The following OR10A3 variants were observed in gnomAD, a reference collection of about 807,000 sequenced individuals.
OR10A3 encodes the protein olfactory receptor 10A3.
Under a neutral mutation model 1.5 loss-of-function variants are expected in OR10A3, and 1 was observed. The observed-to-expected ratio is 0.66, with a 90% CI of 0.23 to 3.11. The LOEUF (loss-of-function observed/expected upper bound fraction) is 3.11, where lower values mean the gene tolerates loss of function less well. Among genes scored for constraint, OR10A3 ranks in the 30% most tolerant of loss-of-function variants. The pLI is 0.21. For synonymous variants in OR10A3, 145 were observed against 143.7 expected, an observed-to-expected ratio of 1.01 and a Z score of -0.06; for missense variants, 398 against 369.7, an observed-to-expected ratio of 1.08 and a Z score of -0.63.
Position 7,939,353 on chromosome 11 carries a change from G to A in OR10A3, c.168C>T (p.His56=), listed in dbSNP as rs138775982. The change falls in exon 2 of 2, where the codon CAC becomes CAT. Residue 56 remains histidine, a synonymous_variant. Transcript: ENST00000642047. ...TCAGGAGGAACAGGTACATGGGAAC[G>A]TGGAGGCTCTGGTTTAAGGAGATGA... is the stretch of plus-strand genomic sequence containing the variant. ...TVIISLNQSL[H]VPMYLFLLNL... is the part of the protein sequence containing the mutation. 7.7e-5 allele frequency: 124 copies of A among 1,614,020 alleles called. No individual in the cohort carries two copies. The Admixed American group carries it at 9.7e-4, about 13-fold the overall frequency.
At position 7,939,040 on chromosome 11, in the gene OR10A3, T is replaced by C. The variant is rs1316769843; in HGVS notation, c.481A>G (p.Thr161Ala). ...SGIMVATVQT[T>A]WVFSFPFCGP... ...CAAAATGGAAAACTAAATACCCAAG[T>C]GGTCTGCACAGTAGCCACCATGATC... Residue 161 changes from threonine to alanine, a missense_variant, in exon 2 of 2, where the codon ACT becomes GCT. By Grantham distance (58) the Thr-to-Ala change is moderately conservative. Transcript: ENST00000642047. 1 of 1,613,968 alleles carries C rather than the reference T, an allele frequency of 6.2e-7. No individual in the cohort carries two copies. The highest frequency in any genetic ancestry group is 2.2e-5 in the East Asian group (1 of 44,880).
chr11:7,940,943 G>A (rs978145967), intron 1 of OR10A3, among the ~76,000 whole-genome samples: 1 of 152,134 alleles, frequency 6.6e-6, no homozygotes, highest in African/African-American at 2.4e-5. Context: ...GCAAGCTGAA[G>A]ACATCTTGAT....
Position 7,938,587 on chromosome 11 carries a change from G to A in OR10A3, c.934C>T (p.His312Tyr), listed in dbSNP as rs778028267. Reference protein sequence around the residue: ...IKLWRRKVILHTF With the variant: ...IKLWRRKVILYTF Reference sequence around the variant, plus strand: ...GCTTCTCAACACAATCAGAATGTGTGTAAAATCACTTTTCTTCGCCATAGT... The same window carrying A: ...GCTTCTCAACACAATCAGAATGTGTATAAAATCACTTTTCTTCGCCATAGT... The change falls in exon 2 of 2, where the codon CAC becomes TAC. Residue 312 changes from histidine (H) to tyrosine (Y), a missense_variant. By Grantham distance (83) the His-to-Tyr change is moderately conservative. Transcript: ENST00000642047. 6 of 1,610,120 alleles carry A rather than the reference G, an allele frequency of 3.7e-6. No homozygotes were observed. In the Admixed American group the frequency reaches 8.4e-5, roughly 23 times the overall value.
rs150357760 is a variant in OR10A3, at chr11:7,938,676, G to T, written c.845C>A (p.Thr282Asn). Residue 282 changes from threonine to asparagine, a missense_variant, in exon 2 of 2, where the codon ACC (threonine) becomes AAC (asparagine). Physicochemically the swap from Thr to Asn is moderately conservative, Grantham distance 65. Coordinates refer to ENST00000642047, the MANE Select transcript of OR10A3 (RefSeq NM_001003745.2). ...ATAGATGAGCGGATTGAGCAGAGGG[G>T]TAAGCAACGTGTAAGCCAATGAGAT... is the stretch of plus-strand genomic sequence containing the variant. ...KLISLAYTLLTPLLNPLIYSL... is the reference protein window; with the variant it reads ...KLISLAYTLLNPLLNPLIYSL... 1.1e-4 allele frequency: 175 copies of T among 1,614,184 alleles called. No individual in the cohort carries two copies. The African/African-American group carries it at 2.1e-3, about 20-fold the overall frequency.
rs1286667190 is a variant in OR10A3 at position 7,937,546 on chromosome 11, G to GA, written c.*1029dup. On this transcript the variant is annotated 3_prime_UTR_variant, in exon 2 of 2. Transcript: ENST00000642047. ...GTTTCTAAATCAGTGGTCTGTAAAT[G>GA]AAAAAGATACTGATATTATCAAATG... 1.3e-5 allele frequency: 2 copies of GA among 152,132 alleles called. No homozygotes were observed. Among genetic ancestry groups the GA allele is most frequent in the Non-Finnish European group, 2.9e-5 (2 of 68,020 alleles). 9.4% of individuals were successfully genotyped at this position (152,132 alleles called of 1,614,324 possible). A position where few individuals can be genotyped will look rare whatever the true frequency, so the allele number is the denominator to read the frequency against.
Position 7,938,751 on chromosome 11 carries a change from A to G in OR10A3, c.770T>C (p.Met257Thr). 1.2e-6 allele frequency: 2 copies of G among 1,614,200 alleles called. No individual in the cohort carries two copies. Among genetic ancestry groups the G allele is most frequent in the South Asian group, 1.1e-5 (1 of 91,090 alleles). The change falls in exon 2 of 2, where the codon ATG becomes ACG. Residue 257 changes from methionine to threonine, a missense_variant. Transcript: ENST00000642047. Reference protein sequence around the residue: ...SVTLFYGTANMTYLQPKSGYS... With the variant: ...SVTLFYGTANTTYLQPKSGYS... ...GCCAGATTTGGGTTGTAAATAAGTCATATTGGCTGTGCCATAGAACAGGGT... is the reference window on the plus strand; with the variant it reads ...GCCAGATTTGGGTTGTAAATAAGTCGTATTGGCTGTGCCATAGAACAGGGT...
At position 7,938,718 on chromosome 11, in the gene OR10A3, G is replaced by C. The variant is rs1202578283; in HGVS notation, c.803C>G (p.Pro268Arg). 1.2e-6 allele frequency: 2 copies of C among 1,614,182 alleles called. No homozygotes were observed. The highest frequency in any genetic ancestry group is 2.2e-5 in the South Asian group (2 of 91,084). ...TYLQPKSGYS[P>R]ETKKLISLAY... ...CAATGAGATCAGTTTCTTGGTTTCG[G>C]GTGAGTAGCCAGATTTGGGTTGTAA... is the stretch of plus-strand genomic sequence containing the variant. The change falls in exon 2 of 2, where the codon CCC (proline) becomes CGC (arginine). Residue 268 changes from proline to arginine, a missense_variant. Coordinates refer to ENST00000642047, the MANE Select transcript of OR10A3 (RefSeq NM_001003745.2).
At position 7,938,173 on chromosome 11, in the gene OR10A3, G is replaced by A. The variant is rs371223737; in HGVS notation, c.*403C>T. ...ACAAAAATTAGCTGGGTGTGGTGGC[G>A]CATGCCTGTAATCCCAACTACTCGG... On this transcript the variant is annotated 3_prime_UTR_variant, in exon 2 of 2. Transcript: ENST00000642047. The A allele has an allele frequency of 6.1e-4, 98 of 161,830 alleles. 1 individual carries two copies. In the South Asian group the frequency reaches 0.015, roughly 25 times the overall value. 10.0% of individuals were successfully genotyped at this position (161,830 alleles called of 1,614,324 possible). A position where few individuals can be genotyped will look rare whatever the true frequency, so the allele number is the denominator to read the frequency against.
At chr11:7,941,329 A>G (rs1162531309) in intron 1 of OR10A3, among the ~76,000 whole-genome samples, 1 of 152,214 alleles carries the variant, frequency 6.6e-6, no homozygotes, top group Non-Finnish European at 1.5e-5. Flanking sequence ...ACATAAAACA[A>G]CATAATGCTG....
chr11:7,939,611 C>T lies in OR10A3; in HGVS notation c.-91G>A, dbSNP rs564883920. The T allele has an allele frequency of 4.0e-6, 4 of 990,858 alleles. No individual in the cohort carries two copies. In the African/African-American group the frequency reaches 6.6e-5, roughly 16 times the overall value. 61.4% of individuals were successfully genotyped at this position (990,858 alleles called of 1,614,324 possible). A position where few individuals can be genotyped will look rare whatever the true frequency, so the allele number is the denominator to read the frequency against. On this transcript the variant is annotated 5_prime_UTR_variant, in exon 2 of 2. Coordinates refer to ENST00000642047, the MANE Select transcript of OR10A3 (RefSeq NM_001003745.2). The stretch of plus-strand genomic sequence containing the variant: ...TAGCTGTGAGTTCAAGTCTGGAATT[C>T]TTGACAGCAGATGTAATGACAAGCT...
In OR10A3 at chr11:7,938,760, G is replaced by A. The variant is rs1941392466; in HGVS notation, c.761C>T (p.Thr254Ile). 6.2e-7 allele frequency: 1 copy of A among 1,614,220 alleles called. No homozygotes were observed. The highest frequency in any genetic ancestry group is 8.5e-7 in the Non-Finnish European group (1 of 1,180,050). The change falls in exon 2 of 2, where the codon ACA becomes ATA. Residue 254 changes from threonine to isoleucine, a missense_variant. Physicochemically the swap from Thr to Ile is moderately conservative, Grantham distance 89. Transcript: ENST00000642047. ...HLTSVTLFYG[T>I]ANMTYLQPKS... ...GGGTTGTAAATAAGTCATATTGGCT[G>A]TGCCATAGAACAGGGTCACAGATGT...
intron 1 of OR10A3, among the ~76,000 whole-genome samples, chr11:7,940,092 G>C (rs367901859): frequency 6.6e-6 from 1 of 152,162 alleles, no homozygotes; most frequent in African/African-American, 2.4e-5. Flanking sequence ...ATCCCTTCTG[G>C]CTCTGACATA....
In OR10A3 at chr11:7,937,678, A is replaced by C. The variant is rs1289016693; in HGVS notation, c.*898T>G. The C allele has an allele frequency of 6.6e-6, 1 of 152,206 alleles. No individual in the cohort carries two copies. The highest frequency in any genetic ancestry group is 6.5e-5 in the Admixed American group (1 of 15,282). 9.4% of individuals were successfully genotyped at this position (152,206 alleles called of 1,614,324 possible). A position where few individuals can be genotyped will look rare whatever the true frequency, so the allele number is the denominator to read the frequency against. On this transcript the variant is annotated 3_prime_UTR_variant, in exon 2 of 2. Transcript: ENST00000642047. ...TTGGGATTATAATTTGTGTAAGGTC[A>C]TGAAGTAGAACCATTTTTGGCCCCC...
chr11:7,939,352 C>T lies in OR10A3; in HGVS notation c.169G>A (p.Val57Ile), dbSNP rs751919581. Residue 57 changes from valine (V) to isoleucine (I), a missense_variant, in exon 2 of 2, where the codon GTT (valine) becomes ATT (isoleucine). Transcript: ENST00000642047. Reference sequence around the variant, plus strand: ...TTCAGGAGGAACAGGTACATGGGAACGTGGAGGCTCTGGTTTAAGGAGATG... The same window carrying T: ...TTCAGGAGGAACAGGTACATGGGAATGTGGAGGCTCTGGTTTAAGGAGATG... The part of the protein sequence containing the change: ...VIISLNQSLH[V>I]PMYLFLLNLS... 3.0e-5 allele frequency: 48 copies of T among 1,614,078 alleles called. No homozygotes were observed. The Admixed American group carries it at 4.7e-4, about 16-fold the overall frequency.
In OR10A3 at chr11:7,939,565, G is replaced by A. The variant is rs113638386; in HGVS notation, c.-45C>T. The A allele has an allele frequency of 7.2e-5, 102 of 1,421,294 alleles. No homozygotes were observed. The African/African-American group carries it at 9.6e-4, about 13-fold the overall frequency. 88.0% of individuals were successfully genotyped at this position (1,421,294 alleles called of 1,614,324 possible). A position where few individuals can be genotyped will look rare whatever the true frequency, so the allele number is the denominator to read the frequency against. On this transcript the variant is annotated 5_prime_UTR_variant, in exon 2 of 2. The change creates a premature stop within an existing upstream ORF in the 5' untranslated region. Transcript: ENST00000642047. ...ATTGTTTTTATGGACCTGGTATATC[G>A]AGTATGAAGTCGTAATCCCATAGCT...
rs769219074 is a variant in OR10A3, at chr11:7,938,675, G to C, written c.846C>G (p.Thr282=). 4 of 1,614,168 alleles carry C rather than the reference G, an allele frequency of 2.5e-6. No homozygotes were observed. Among genetic ancestry groups the C allele is most frequent in the Non-Finnish European group, 2.5e-6 (3 of 1,180,022 alleles). ...TATAGATGAGCGGATTGAGCAGAGGGGTAAGCAACGTGTAAGCCAATGAGA... is the reference window on the plus strand; with the variant it reads ...TATAGATGAGCGGATTGAGCAGAGGCGTAAGCAACGTGTAAGCCAATGAGA... ...KLISLAYTLL[T]PLLNPLIYSL... is the part of the protein sequence containing the mutation. Residue 282 remains threonine, a synonymous_variant, in exon 2 of 2, where the codon ACC becomes ACG. Transcript: ENST00000642047.
rs144242326 is a variant in OR10A3, at chr11:7,941,169, C to T, written c.-179+418G>A. Among the ~76,000 whole-genome samples, 10 of 152,142 alleles carry T rather than the reference C, an allele frequency of 6.6e-5. No homozygotes were observed. The East Asian group carries it at 7.7e-4, about 12-fold the overall frequency. ...AGCTCCAGGCCTATAAAACCAAATA[C>T]GTTTGTAAAATGAGAAAATTTAGAG... is the stretch of plus-strand genomic sequence containing the variant. On this transcript the variant is annotated intron_variant, in intron 1 of 1. Transcript: ENST00000642047.
chr11:7,939,501 C>G lies in OR10A3; in HGVS notation c.20G>C (p.Ser7Thr). Residue 7 changes from serine (S) to threonine (T), a missense_variant, in exon 2 of 2, where the codon AGC becomes ACC. By Grantham distance (58) the Ser-to-Thr change is moderately conservative. Transcript: ENST00000642047. The part of the protein sequence containing the change: MKRQNQ[S>T]CVVEFILLGF... The stretch of plus-strand genomic sequence containing the variant: ...CAGGAGGATGAATTCAACCACACAG[C>G]TTTGATTTTGTCTTTTCATTTCAGT... 1 of 1,567,910 alleles carries G rather than the reference C, an allele frequency of 6.4e-7. No individual in the cohort carries two copies. Among genetic ancestry groups the G allele is most frequent in the South Asian group, 1.2e-5 (1 of 82,302 alleles).
At chr11:7,940,342 C>T (rs56929243) in intron 1 of OR10A3, among the ~76,000 whole-genome samples, 7,511 of 152,162 alleles carry the variant, frequency 0.049, 266 homozygotes, top group East Asian at 0.1. Context: ...CTGCTCTCAA[C>T]CAGAGCAACA....
Sources: allele counts gnomAD v4.1 joint callset (sites outside exome capture counted in the v4.1 genomes callset), GRCh38; gene constraint gnomAD v4.1.1; transcripts MANE v1.5; gene names NCBI Gene and HGNC (gene_info 2026-07-23, HGNC 2026-07-21).